LRRC69: variants seen among roughly 807,000 people sequenced by gnomAD.
LRRC69 encodes leucine-rich repeat-containing protein 69.
In LRRC69, 42 loss-of-function variants were observed where a neutral mutation model predicts 37.8. The observed-to-expected ratio is 1.11, with a 90% CI of 0.87 to 1.44. The LOEUF is 1.44. LRRC69 is among the 40% of genes most tolerant of loss of function. LRRC69 has a pLI of 0.00. For missense variants in LRRC69, 357 were observed against 401.9 expected (o/e 0.89, Z 0.96); for synonymous variants, 141 against 143.1 (o/e 0.99, Z 0.11).
chr8:91,120,957 T>G (rs1178384594), intron 1 of LRRC69, among the ~76,000 whole-genome samples: 2 of 151,974 alleles, frequency 1.3e-5, no homozygotes, highest in Admixed American at 6.6e-5. Context: ...CTTCTTAATT[T>G]TAACAGGGAT....
At position 91,214,994 on chromosome 8, in the gene LRRC69, T is replaced by A. The variant is rs528339847; in HGVS notation, c.934-3896T>A. ...TGGTTCCTTTCTTCCATCTTCAAAGTCAGTATTGGCTGATCTAGGCCTTCT... is the reference window on the plus strand; with the variant it reads ...TGGTTCCTTTCTTCCATCTTCAAAGACAGTATTGGCTGATCTAGGCCTTCT... On this transcript the variant is annotated intron_variant, in intron 7 of 7. Transcript: ENST00000448384. Among the ~76,000 whole-genome samples the A allele has an allele frequency of 2.0e-5, 3 of 152,154 alleles. No individual in the cohort carries two copies. The South Asian group carries it at 6.2e-4, about 32-fold the overall frequency.
At chr8:91,122,295 A>G (rs1433964499) in intron 1 of LRRC69, among the ~76,000 whole-genome samples, 1 of 151,976 alleles carries the variant, frequency 6.6e-6, no homozygotes, top group African/African-American at 2.4e-5. Flanking sequence ...GTTTTGGACC[A>G]ATTTTTCCAG....
chr8:91,193,054 C>T (rs566624064), intron 6 of LRRC69, among the ~76,000 whole-genome samples: 1,891 of 149,070 alleles, frequency 0.013, 46 homozygotes, highest in African/African-American at 0.044. Flanking sequence ...CCAGTTTCAG[C>T]TTTCTACATA....
chr8:91,135,866 G>C (rs552735978), intron 5 of LRRC69, 127 bp downstream of exon 5: 1 of 483,234 alleles, frequency 2.1e-6, no homozygotes, highest in South Asian at 5.4e-5. Flanking sequence ...ATGACTCAAA[G>C]ATTTGCTTTT....
chr8:91,102,720 C>A, exon 1 of LRRC69: 1 of 1,551,628 alleles, frequency 6.4e-7, no homozygotes, highest in Admixed American at 2.0e-5. Context: ...AAGATCATTA[C>A]TTTGAATGGG....
At chr8:91,204,036 G>T (rs182929581) in intron 7 of LRRC69, among the ~76,000 whole-genome samples, 1 of 151,554 alleles carries the variant, frequency 6.6e-6, no homozygotes, top group East Asian at 2.0e-4. Flanking sequence ...GCAGGAAAAT[G>T]GTGTGAACCC....
chr8:91,135,753 A>G lies in LRRC69; in HGVS notation c.651+14A>G, dbSNP rs1279722928. On this transcript the variant is annotated intron_variant, in intron 5 of 7. Coordinates refer to ENST00000448384, the Ensembl canonical transcript of LRRC69. ...TTTCCATCAGGAGTAAGTAGAGTCA[A>G]CTTCCATTATAATTGAAAAATAATT... is the stretch of plus-strand genomic sequence containing the variant. 16 of 1,339,516 alleles carry G rather than the reference A, an allele frequency of 1.2e-5. No homozygotes were observed. The highest frequency in any genetic ancestry group is 1.6e-5 in the South Asian group (1 of 61,064). 83.0% of individuals were successfully genotyped at this position (1,339,516 alleles called of 1,614,324 possible).
chr8:91,147,242 A>ATTTT (rs1808636169), intron 5 of LRRC69, among the ~76,000 whole-genome samples: 1 of 136,178 alleles, frequency 7.3e-6, no homozygotes, highest in South Asian at 2.4e-4. Flanking sequence ...TATTATATAT[A>ATTTT]AACATATAAT....
At chr8:91,176,212 A>G (rs11991823) in intron 5 of LRRC69, among the ~76,000 whole-genome samples, 99,603 of 147,736 alleles carry the variant, frequency 0.67, 34,052 homozygotes, top group African/African-American at 0.74. Flanking sequence ...TCAGTTCACT[A>G]CAACCTCCGC....
Position 91,151,548 on chromosome 8 carries a change from G to A in LRRC69, c.651+15809G>A, listed in dbSNP as rs146091211. On this transcript the variant is annotated intron_variant, in intron 5 of 7. Coordinates refer to ENST00000448384, the Ensembl canonical transcript of LRRC69. ...TTTTTTAATCCAGTCTGTCATTGAT[G>A]GGCATTTGGGTTTGTTCCAAGTCTT... is the stretch of plus-strand genomic sequence containing the variant. 4.6e-3 allele frequency among the ~76,000 whole-genome samples: 689 copies of A among 151,234 alleles called. 6 individuals are homozygous for A. Among genetic ancestry groups the A allele is most frequent in the African/African-American group, 0.016 (667 of 41,396 alleles).
At chr8:91,107,335 G>A (rs75881465) in intron 1 of LRRC69, among the ~76,000 whole-genome samples, 17 of 149,472 alleles carry the variant, frequency 1.1e-4, no homozygotes, top group Admixed American at 2.0e-4. Flanking sequence ...ACGGGGTTTC[G>A]CCATGTTAGC....
chr8:91,123,267 A>G (rs1024692548), intron 1 of LRRC69, among the ~76,000 whole-genome samples: 1 of 152,064 alleles, frequency 6.6e-6, no homozygotes, highest in Non-Finnish European at 1.5e-5. Context: ...TTTTTATAGC[A>G]GTTATAGGAA....
intron 4 of LRRC69, 136 bp from the exon 5 acceptor site, chr8:91,135,532 C>T (rs1179623392): frequency 4.0e-6 from 2 of 503,278 alleles, no homozygotes; most frequent in Non-Finnish European, 7.0e-6. Context: ...GGAAGATGTG[C>T]TGAAGAATTG....
intron 5 of LRRC69, among the ~76,000 whole-genome samples, chr8:91,162,554 T>C (rs1266684811): frequency 6.6e-6 from 1 of 151,388 alleles, no homozygotes; most frequent in Non-Finnish European, 1.5e-5. Flanking sequence ...CTGTTTCATC[T>C]AATGTAAGTA....
At chr8:91,132,844 T>C (rs566050577) in intron 3 of LRRC69, among the ~76,000 whole-genome samples, 4 of 152,004 alleles carry the variant, frequency 2.6e-5, no homozygotes, top group Non-Finnish European at 4.4e-5. Context: ...AAAGGAAATA[T>C]AATTTTCTTT....
intron 1 of LRRC69, among the ~76,000 whole-genome samples, chr8:91,113,904 G>T (rs1157375268): frequency 7.5e-6 from 1 of 133,680 alleles, no homozygotes; most frequent in African/African-American, 2.9e-5. Context: ...TGGGTAAAGG[G>T]GCCAATAGGA....
At chr8:91,135,180 T>C (rs1813887654) in intron 4 of LRRC69, among the ~76,000 whole-genome samples, 1 of 152,030 alleles carries the variant, frequency 6.6e-6, no homozygotes, top group South Asian at 2.1e-4. Context: ...AATGGAAGAC[T>C]ATGTAGGACT....
intron 5 of LRRC69, among the ~76,000 whole-genome samples, chr8:91,140,592 CATT>C (rs145408222): frequency 0.014 from 2,051 of 146,546 alleles, 67 homozygotes; most frequent in African/African-American, 0.049. Context: ...TTTCATTTAA[CATT>C]ATATATTAAG....
rs1294768033 is a variant in LRRC69, at chr8:91,140,899, C to T, written c.651+5160C>T. On this transcript the variant is annotated intron_variant, in intron 5 of 7. Transcript: ENST00000448384. ...CGATCTCCTGACCTCGTGATCCGCCCGCCTCGGCCTCCCAAAGTGCTGGGA... is the reference window on the plus strand; with the variant it reads ...CGATCTCCTGACCTCGTGATCCGCCTGCCTCGGCCTCCCAAAGTGCTGGGA... Among the ~76,000 whole-genome samples the T allele has an allele frequency of 3.5e-4, 6 of 17,334 alleles. 2 individuals are homozygous for T. Among genetic ancestry groups the T allele is most frequent in the African/African-American group, 6.1e-4 (2 of 3,298 alleles). The allele number at this position is 17,334 out of a possible 152,430, so 11.4% of individuals were successfully genotyped here.
Sources: allele counts gnomAD v4.1 joint callset (sites outside exome capture counted in the v4.1 genomes callset), GRCh38; gene constraint gnomAD v4.1.1; transcripts MANE v1.5; gene names NCBI Gene and HGNC (gene_info 2026-07-23, HGNC 2026-07-21).